Variants in STXBP5L observed in about 807,000 individuals in gnomAD.
STXBP5L encodes syntaxin-binding protein 5-like.
Under a neutral mutation model 144.5 loss-of-function variants are expected in STXBP5L, and 65 were observed. The ratio of observed to expected loss-of-function variants is 0.45; its 90% confidence interval spans 0.37 to 0.55. The LOEUF (loss-of-function observed/expected upper bound fraction) is 0.55, where lower values mean the gene tolerates loss of function less well. Ranked by LOEUF, STXBP5L falls within the 20% of genes least tolerant of loss-of-function variation. The pLI is 0.00. For missense variants in STXBP5L, 1,298 were observed against 1,405.5 expected, an observed-to-expected ratio of 0.92 and a Z score of 1.22; for synonymous variants, 505 against 469.6, an observed-to-expected ratio of 1.08 and a Z score of -0.97.
rs2049613250 is a variant in STXBP5L, at chr3:121,239,932, G to A, written c.1333-508G>A. 2.0e-5 allele frequency among the ~76,000 whole-genome samples: 3 copies of A among 151,778 alleles called. No individual in the cohort carries two copies. In the South Asian group the frequency reaches 6.2e-4, roughly 32 times the overall value. Reference sequence around the variant, plus strand: ...CTTCCTAGTTTATAATTAATTAATGGTTTAGGAAACATAATTATTAAAAGT... The same window carrying A: ...CTTCCTAGTTTATAATTAATTAATGATTTAGGAAACATAATTATTAAAAGT... On this transcript the variant is annotated intron_variant, in intron 13 of 26. Coordinates refer to ENST00000471454, the MANE Select transcript of STXBP5L (RefSeq NM_001308330.2).
intron 5 of STXBP5L, among the ~76,000 whole-genome samples, chr3:121,097,629 C>CT (rs2043196812): frequency 6.6e-6 from 1 of 152,146 alleles, no homozygotes; most frequent in Non-Finnish European, 1.5e-5. Context: ...TCAGATCACC[C>CT]TCCGTGAGCT....
chr3:121,356,647 G>A (rs569924001), intron 20 of STXBP5L, among the ~76,000 whole-genome samples: 11 of 152,260 alleles, frequency 7.2e-5, no homozygotes, highest in South Asian at 4.1e-4. Context: ...TGCACTTCCC[G>A]GGTGAGGCAA....
At chr3:121,011,602 C>T (rs941280170) in intron 3 of STXBP5L, among the ~76,000 whole-genome samples, 1 of 151,348 alleles carries the variant, frequency 6.6e-6, no homozygotes, top group East Asian at 1.9e-4. Flanking sequence ...AATGCTGTAA[C>T]AAAGTCTAAG....
At chr3:121,081,191 A>G (rs764856821) in intron 5 of STXBP5L, among the ~76,000 whole-genome samples, 5 of 151,712 alleles carry the variant, frequency 3.3e-5, no homozygotes, top group African/African-American at 7.3e-5. Context: ...TGTGTATTTT[A>G]TTTCCAGAAG....
At chr3:121,227,379 A>G (rs1046635521) in intron 11 of STXBP5L, among the ~76,000 whole-genome samples, 2 of 152,282 alleles carry the variant, frequency 1.3e-5, no homozygotes, top group South Asian at 2.1e-4. Flanking sequence ...CAGGATTTCA[A>G]GACCAGCCTG....
chr3:121,250,882 C>A, intron 15 of STXBP5L, 119 bp downstream of exon 15: 1 of 775,794 alleles, frequency 1.3e-6, no homozygotes, highest in Non-Finnish European at 2.1e-6. Context: ...ACATATGTGG[C>A]TGTGTTACAA....
chr3:120,957,942 C>A (rs1033602279), intron 3 of STXBP5L, among the ~76,000 whole-genome samples: 27 of 152,004 alleles, frequency 1.8e-4, no homozygotes, highest in Non-Finnish European at 4.4e-5. Flanking sequence ...ACACAAAAAA[C>A]CTTTCAAAAA....
Position 120,955,001 on chromosome 3 carries a change from T to C in STXBP5L, c.251T>C (p.Ile84Thr), listed in dbSNP as rs1435838523. Reference sequence around the variant, plus strand: ...TTAGCCTTTGATCCAGTTCAGAAAATCTTGGCTATTGGGACGAGAACAGGT... The same window carrying C: ...TTAGCCTTTGATCCAGTTCAGAAAACCTTGGCTATTGGGACGAGAACAGGT... The part of the protein sequence containing the change: ...TALAFDPVQK[I>T]LAIGTRTGAI... The change falls in exon 3 of 27, where the codon ATC becomes ACC. Residue 84 changes from isoleucine to threonine, a missense_variant. By Grantham distance (89) the Ile-to-Thr change is moderately conservative. Transcript: ENST00000471454. 2 of 1,612,546 alleles carry C rather than the reference T, an allele frequency of 1.2e-6. No homozygotes were observed. The highest frequency in any genetic ancestry group is 2.2e-5 in the South Asian group (2 of 91,050).
intron 20 of STXBP5L, among the ~76,000 whole-genome samples, chr3:121,341,533 A>T (rs1388789236): frequency 2.6e-5 from 4 of 151,912 alleles, no homozygotes; most frequent in African/African-American, 7.2e-5. Flanking sequence ...GCCAGAAGAA[A>T]GGAAATTTGT....
At chr3:121,091,245 G>A (rs1262641576) in intron 5 of STXBP5L, among the ~76,000 whole-genome samples, 3 of 147,130 alleles carry the variant, frequency 2.0e-5, no homozygotes, top group African/African-American at 7.7e-5. Flanking sequence ...GCATACATGT[G>A]CATGTGTCTT....
chr3:121,247,656 C>CT (rs577530903), intron 14 of STXBP5L, among the ~76,000 whole-genome samples: 20 of 152,242 alleles, frequency 1.3e-4, no homozygotes, highest in African/African-American at 3.9e-4. Context: ...TGATTTCACT[C>CT]TTTTTTTATG....
chr3:121,403,941 T>A (rs2046940422), intron 22 of STXBP5L, among the ~76,000 whole-genome samples: 1 of 152,162 alleles, frequency 6.6e-6, no homozygotes, highest in African/African-American at 2.4e-5. Flanking sequence ...CAAGACTGAT[T>A]CTTTGAAACT....
intron 3 of STXBP5L, among the ~76,000 whole-genome samples, chr3:121,002,786 A>G (rs1033283871): frequency 3.5e-5 from 5 of 141,166 alleles, no homozygotes; most frequent in African/African-American, 1.3e-4. Context: ...ATTCCCAGCT[A>G]TGAGTGAGAA....
rs2050046434 is a variant in STXBP5L, at chr3:121,252,151, G to A, written c.1441+1388G>A. Among the ~76,000 whole-genome samples the A allele has an allele frequency of 2.0e-5, 3 of 152,098 alleles. 1 individual carries two copies. The South Asian group carries it at 6.2e-4, about 32-fold the overall frequency. ...TAAGCAGGCAGATTGCCTGAGCTCA[G>A]GAGTTCAGAACCAGCCTGGGCAACA... On this transcript the variant is annotated intron_variant, in intron 15 of 26. Transcript: ENST00000471454.
intron 6 of STXBP5L, among the ~76,000 whole-genome samples, chr3:121,117,367 G>A (rs1204347046): frequency 1.3e-5 from 2 of 151,734 alleles, no homozygotes; most frequent in Non-Finnish European, 3.0e-5. Flanking sequence ...CTTCCTGAAT[G>A]TCTCTTGATT....
chr3:121,169,570 T>C (rs2046629718), intron 9 of STXBP5L, among the ~76,000 whole-genome samples: 1 of 152,160 alleles, frequency 6.6e-6, no homozygotes, highest in African/African-American at 2.4e-5. Flanking sequence ...AAACAGACTT[T>C]AAACCAACAA....
rs142722375 is a variant in STXBP5L at position 121,330,586 on chromosome 3, G to T, written c.2176+12046G>T. On this transcript the variant is annotated intron_variant, in intron 20 of 26. Coordinates refer to ENST00000471454, the MANE Select transcript of STXBP5L (RefSeq NM_001308330.2). ...TTCCTGGGTAACACTTGAGACATCAGAGTACCTCCCCTGGGTAACTAACAT... is the reference window on the plus strand; with the variant it reads ...TTCCTGGGTAACACTTGAGACATCATAGTACCTCCCCTGGGTAACTAACAT... Among the ~76,000 whole-genome samples the T allele has an allele frequency of 3.1e-3, 473 of 152,218 alleles. 4 individuals are homozygous for T. Among genetic ancestry groups the T allele is most frequent in the Middle Eastern group, 3.4e-3 (1 of 294 alleles).
chr3:120,949,800 C>T (rs1482278381), intron 2 of STXBP5L, among the ~76,000 whole-genome samples: 1 of 152,036 alleles, frequency 6.6e-6, no homozygotes. Context: ...ATACCAGTAC[C>T]ATGCTGTTTT....
At position 120,978,458 on chromosome 3, in the gene STXBP5L, C is replaced by G. The variant is rs897956533; in HGVS notation, c.287+23421C>G. Among the ~76,000 whole-genome samples, 3 of 152,096 alleles carry G rather than the reference C, an allele frequency of 2.0e-5. No homozygotes were observed. The East Asian group carries it at 5.8e-4, about 29-fold the overall frequency. ...GTTATACATTTGTCTAAATTTTTTT[C>G]AAGGTTTTTAACTTCTTTGCCTTTG... On this transcript the variant is annotated intron_variant, in intron 3 of 26. Transcript: ENST00000471454.
Sources: allele counts gnomAD v4.1 joint callset (sites outside exome capture counted in the v4.1 genomes callset), GRCh38; gene constraint gnomAD v4.1.1; transcripts MANE v1.5; gene names NCBI Gene and HGNC (gene_info 2026-07-23, HGNC 2026-07-21).